Variants in ADAM18 observed in about 807,000 individuals in gnomAD.
The protein encoded by ADAM18 is disintegrin and metalloproteinase domain-containing protein 18.
ADAM18 carries 117 observed loss-of-function variants against 94.4 expected under a neutral mutation model. That is an observed-to-expected ratio of 1.24 (90% CI 1.07 to 1.45). The LOEUF is 1.45. ADAM18 is among the 40% of genes most tolerant of loss of function. ADAM18 has a pLI of 0.00. For missense variants in ADAM18, 936 were observed against 880.0 expected (o/e 1.06, Z -0.81); for synonymous variants, 327 against 291.6 (o/e 1.12, Z -1.24).
chr8:39,638,192 G>A (rs1196903286), intron 9 of ADAM18, among the ~76,000 whole-genome samples: 1 of 151,618 alleles, frequency 6.6e-6, no homozygotes, highest in Non-Finnish European at 1.5e-5. Context: ...AAACTAAGTT[G>A]AATTTGAGCT....
At chr8:39,722,217 G>GTA (rs61542840) in intron 18 of ADAM18, among the ~76,000 whole-genome samples, 178 of 91,394 alleles carry the variant, frequency 1.9e-3, no homozygotes, top group South Asian at 3.9e-3. Context: ...GTGTGTGTGT[G>GTA]TATATATATA....
intron 12 of ADAM18, among the ~76,000 whole-genome samples, 179 bp from the exon 13 acceptor site, chr8:39,663,598 CAAAAAAAAAAAAAAAAAA>C (rs10597769): frequency 1.5e-4 from 3 of 19,592 alleles, no homozygotes; most frequent in African/African-American, 2.5e-4. Flanking sequence ...AATCCTGTCT[CAAAAAAAAAAAAAAAAAA>C]AAAAAAAAAA....
At chr8:39,638,439 G>C in intron 9 of ADAM18, 26 bp from the exon 10 acceptor site, 2 of 1,451,928 alleles carry the variant, frequency 1.4e-6, no homozygotes, top group Non-Finnish European at 1.9e-6. Flanking sequence ...GCATAACTAC[G>C]TTAATAAAAA....
chr8:39,595,715 G>A (rs900672946), intron 2 of ADAM18, among the ~76,000 whole-genome samples: 2 of 151,918 alleles, frequency 1.3e-5, no homozygotes, highest in Non-Finnish European at 2.9e-5. Context: ...GTGGAGATGG[G>A]GTTTCACCAT....
chr8:39,652,806 T>TAA (rs1171847014), intron 12 of ADAM18, among the ~76,000 whole-genome samples: 3 of 152,132 alleles, frequency 2.0e-5, no homozygotes, highest in Non-Finnish European at 4.4e-5. Flanking sequence ...ATGAATGGAT[T>TAA]AAAAATCTGG....
At chr8:39,707,166 G>A (rs939287093) in intron 18 of ADAM18, among the ~76,000 whole-genome samples, 6 of 152,128 alleles carry the variant, frequency 3.9e-5, no homozygotes, top group African/African-American at 1.4e-4. Context: ...ATGATTAACT[G>A]TCCTTCCATG....
At chr8:39,697,918 A>G (rs886447827) in intron 17 of ADAM18, among the ~76,000 whole-genome samples, 35 of 151,814 alleles carry the variant, frequency 2.3e-4, no homozygotes, top group African/African-American at 8.2e-4. Context: ...GATTTGCTCA[A>G]GTGTAGTTTT....
intron 19 of ADAM18, among the ~76,000 whole-genome samples, chr8:39,729,385 TAA>T (rs1229278012): frequency 6.6e-6 from 1 of 152,168 alleles, no homozygotes; most frequent in East Asian, 1.9e-4. Context: ...GTGAAAAAAT[TAA>T]AGTCAGCAAC....
chr8:39,676,448 C>G (rs1010451950), intron 14 of ADAM18, among the ~76,000 whole-genome samples: 5 of 152,196 alleles, frequency 3.3e-5, no homozygotes, highest in Non-Finnish European at 7.3e-5. Context: ...TGGGAACTGT[C>G]GAGCCAGGCA....
chr8:39,584,820 C>G, intron 1 of ADAM18, 143 bp downstream of exon 1: 1 of 955,764 alleles, frequency 1.0e-6, no homozygotes, highest in South Asian at 1.5e-5. Flanking sequence ...GTCAGGGACA[C>G]CTTTCCACGC....
intron 19 of ADAM18, 125 bp from the exon 20 acceptor site, chr8:39,729,773 T>G (rs928920929): frequency 1.4e-6 from 1 of 717,428 alleles, no homozygotes; most frequent in African/African-American, 1.8e-5. Context: ...AACTTATCTA[T>G]AATAATCTTT....
At chr8:39,695,530 ATC>A (rs1821899111) in intron 17 of ADAM18, among the ~76,000 whole-genome samples, 1 of 151,332 alleles carries the variant, frequency 6.6e-6, no homozygotes, top group Non-Finnish European at 1.5e-5. Flanking sequence ...AAATATGTAT[ATC>A]TTCTATGATG....
chr8:39,670,899 G>T (rs905346366), intron 14 of ADAM18, among the ~76,000 whole-genome samples: 1 of 152,150 alleles, frequency 6.6e-6, no homozygotes, highest in Non-Finnish European at 1.5e-5. Context: ...CGTGAGGTGG[G>T]GGTTTTATAC....
chr8:39,648,050 C>T (rs1041720383), intron 11 of ADAM18, among the ~76,000 whole-genome samples: 1 of 151,898 alleles, frequency 6.6e-6, no homozygotes, highest in African/African-American at 2.4e-5. Context: ...GCAGAGGGAA[C>T]AATAGATAGA....
chr8:39,617,384 A>C (rs1026536798), intron 6 of ADAM18, among the ~76,000 whole-genome samples: 2 of 152,222 alleles, frequency 1.3e-5, no homozygotes, highest in African/African-American at 4.8e-5. Context: ...ACACTTGTGC[A>C]CTGCTGATGA....
chr8:39,713,045 C>G (rs1315955794), intron 18 of ADAM18, among the ~76,000 whole-genome samples: 2 of 152,168 alleles, frequency 1.3e-5, no homozygotes, highest in East Asian at 3.9e-4. Context: ...AACCATACTA[C>G]AAGGTTACAG....
intron 2 of ADAM18, among the ~76,000 whole-genome samples, chr8:39,586,785 T>TATCTATCTATCTATC (rs1345809147): frequency 7.2e-6 from 1 of 139,014 alleles, no homozygotes; most frequent in Non-Finnish European, 1.6e-5. Context: ...TCTATCTATC[T>TATCTATCTATCTATC]ATCTATCTAT....
At chr8:39,584,701 TTCTTCTTC>T in intron 1 of ADAM18, 24 bp downstream of exon 1, 2 of 1,610,640 alleles carry the variant, frequency 1.2e-6, no homozygotes, top group East Asian at 4.5e-5. Flanking sequence ...AGCCTCCCCT[TTCTTCTTC>T]GACTTTATAG....
At chr8:39,699,158 GA>G (rs1345921949) in intron 17 of ADAM18, among the ~76,000 whole-genome samples, 1 of 152,012 alleles carries the variant, frequency 6.6e-6, no homozygotes, top group East Asian at 1.9e-4. Flanking sequence ...TCTTTGAAAA[GA>G]GGACAATCAT....
Sources: allele counts gnomAD v4.1 joint callset (sites outside exome capture counted in the v4.1 genomes callset), GRCh38; gene constraint gnomAD v4.1.1; transcripts MANE v1.5; gene names NCBI Gene and HGNC (gene_info 2026-07-23, HGNC 2026-07-21).